Variants in PTPRN2 observed in about 807,000 individuals in gnomAD.
PTPRN2 encodes the protein receptor-type tyrosine-protein phosphatase N2.
PTPRN2 carries 74 observed loss-of-function variants against 118.8 expected under a neutral mutation model. The observed-to-expected ratio is 0.62, with a 90% CI of 0.52 to 0.76. The LOEUF (loss-of-function observed/expected upper bound fraction) is 0.76, where lower values mean the gene tolerates loss of function less well. Ranked by LOEUF, PTPRN2 falls within the 30% of genes least tolerant of loss-of-function variation. The pLI, the probability that PTPRN2 is intolerant of heterozygous loss-of-function variation, is 0.00. For missense variants in PTPRN2, 1,481 were observed against 1,394.4 expected, an observed-to-expected ratio of 1.06 and a Z score of -0.99; for synonymous variants, 641 against 608.0, an observed-to-expected ratio of 1.05 and a Z score of -0.80.
chr7:158,105,771 G>A (rs1815632574), intron 10 of PTPRN2, among the ~76,000 whole-genome samples: 1 of 150,934 alleles, frequency 6.6e-6, no homozygotes, highest in Non-Finnish European at 1.5e-5. Context: ...CCATCCAGAT[G>A]CATGCCCTGC....
intron 2 of PTPRN2, among the ~76,000 whole-genome samples, chr7:158,422,589 A>G (rs930955671): frequency 2.0e-5 from 3 of 152,272 alleles, no homozygotes; most frequent in South Asian, 4.1e-4. Context: ...TGAAGGCCTC[A>G]GCAGCTACAC....
chr7:157,991,870 T>A (rs994996754), intron 11 of PTPRN2, among the ~76,000 whole-genome samples: 1 of 151,224 alleles, frequency 6.6e-6, no homozygotes, highest in Non-Finnish European at 1.5e-5. Context: ...TGAGCAGGAG[T>A]GAGATCAGAC....
At chr7:158,096,619 A>G (rs1814646271) in intron 10 of PTPRN2, among the ~76,000 whole-genome samples, 1 of 152,178 alleles carries the variant, frequency 6.6e-6, no homozygotes, top group Non-Finnish European at 1.5e-5. Flanking sequence ...GGAAAACCTC[A>G]TGTCACTGTC....
chr7:158,072,167 T>G (rs1811992808), intron 11 of PTPRN2, among the ~76,000 whole-genome samples: 1 of 151,852 alleles, frequency 6.6e-6, no homozygotes, highest in African/African-American at 2.4e-5. Flanking sequence ...AACCTTTTGG[T>G]TCTGCTGACC....
chr7:157,751,966 T>C (rs1462364366), intron 12 of PTPRN2, among the ~76,000 whole-genome samples: 1 of 152,090 alleles, frequency 6.6e-6, no homozygotes, highest in African/African-American at 2.4e-5. Flanking sequence ...GGACTTGCAG[T>C]TGCCCTGGAC....
intron 11 of PTPRN2, among the ~76,000 whole-genome samples, chr7:158,016,720 T>C (rs73745081): frequency 9.9e-4 from 151 of 152,238 alleles, no homozygotes; most frequent in African/African-American, 3.6e-3. Context: ...CCAATTAACG[T>C]GGAGAGAATT....
chr7:158,172,997 C>A (rs1382579525), intron 5 of PTPRN2, among the ~76,000 whole-genome samples: 1 of 149,912 alleles, frequency 6.7e-6, no homozygotes, highest in African/African-American at 2.5e-5. Flanking sequence ...ACAGCAGCAT[C>A]CCACCAATAT....
chr7:158,351,917 C>A (rs1807986744), intron 2 of PTPRN2, among the ~76,000 whole-genome samples: 1 of 124,980 alleles, frequency 8.0e-6, no homozygotes, highest in African/African-American at 2.9e-5. Flanking sequence ...CTCCTGTCCG[C>A]TCCCCTCCTG....
At chr7:157,569,826 G>A (rs192750128) in intron 20 of PTPRN2, among the ~76,000 whole-genome samples, 1 of 152,252 alleles carries the variant, frequency 6.6e-6, no homozygotes, top group Non-Finnish European at 1.5e-5. Context: ...TTTAAACAGA[G>A]GACCTTTTAC....
intron 20 of PTPRN2, 36 bp from the exon 21 acceptor site, chr7:157,569,002 T>C (rs1293107116): frequency 1.3e-6 from 2 of 1,522,468 alleles, no homozygotes; most frequent in African/African-American, 2.7e-5. Context: ...AGTGCTGCCG[T>C]CCACACGGAA....
intron 11 of PTPRN2, among the ~76,000 whole-genome samples, chr7:157,910,145 G>A (rs760434272): frequency 3.2e-4 from 49 of 152,362 alleles, no homozygotes; most frequent in African/African-American, 1.0e-3. Context: ...TTCCAATACC[G>A]GCTGCCAGCC....
chr7:158,325,749 C>T (rs1345539641), intron 2 of PTPRN2, among the ~76,000 whole-genome samples: 2 of 152,140 alleles, frequency 1.3e-5, no homozygotes, highest in Admixed American at 6.5e-5. Context: ...AGAACCCCGG[C>T]GGAGCAAGCA....
intron 3 of PTPRN2, among the ~76,000 whole-genome samples, chr7:158,284,378 T>C (rs564429860): frequency 6.6e-6 from 1 of 152,064 alleles, no homozygotes; most frequent in Non-Finnish European, 1.5e-5. Flanking sequence ...ACTCTCCGAG[T>C]CAGTGTACAT....
chr7:157,792,526 A>G (rs1804576700), intron 12 of PTPRN2, among the ~76,000 whole-genome samples: 1 of 152,188 alleles, frequency 6.6e-6, no homozygotes, highest in African/African-American at 2.4e-5. Flanking sequence ...GGGATCCCAC[A>G]TGGCACGGCT....
chr7:158,159,786 G>GA (rs1039378015), intron 6 of PTPRN2, among the ~76,000 whole-genome samples: 9 of 151,944 alleles, frequency 5.9e-5, no homozygotes, highest in South Asian at 2.1e-4. Flanking sequence ...GTATCTATAT[G>GA]AAAAAAAACT....
At chr7:157,642,814 CAAA>C (rs11335302) in intron 14 of PTPRN2, among the ~76,000 whole-genome samples, 1,782 of 23,782 alleles carry the variant, frequency 0.075, 4 homozygotes, top group Non-Finnish European at 0.11. Flanking sequence ...CAAGAAACAG[CAAA>C]AAAAAAAAAA....
chr7:157,607,054 C>A lies in PTPRN2; in HGVS notation c.2345-2979G>T, dbSNP rs56030904. ...GAATGTCATGAAGCTGCAAGTCATC[C>A]CATCAGCTCTGAACGAAGGTGTGAA... On this transcript the variant is annotated intron_variant, in intron 15 of 22. Coordinates refer to ENST00000389418, the MANE Select transcript of PTPRN2 (RefSeq NM_002847.5). Among the ~76,000 whole-genome samples, 998 of 152,346 alleles carry A rather than the reference C, an allele frequency of 6.6e-3. 5 individuals carry two copies. Among genetic ancestry groups the A allele is most frequent in the Non-Finnish European group, 9.9e-3 (676 of 68,034 alleles).
intron 3 of PTPRN2, among the ~76,000 whole-genome samples, chr7:158,246,273 G>GA (rs1796242240): frequency 6.6e-6 from 1 of 151,842 alleles, no homozygotes; most frequent in South Asian, 2.1e-4. Flanking sequence ...GGAAGAGGGG[G>GA]AAAAATCCAT....
chr7:157,848,384 C>T (rs1284332428), intron 12 of PTPRN2, among the ~76,000 whole-genome samples: 2 of 151,006 alleles, frequency 1.3e-5, no homozygotes, highest in African/African-American at 4.9e-5. Flanking sequence ...TCTTTCATTA[C>T]ATCATATGTG....
Sources: gnomAD v4.1 joint callset for allele counts (sites outside exome capture counted in the v4.1 genomes callset) on GRCh38, gnomAD v4.1.1 for gene constraint, MANE v1.5 for transcripts, NCBI Gene and HGNC (gene_info 2026-07-23, HGNC 2026-07-21) for gene names.